AGBL4: variants seen among roughly 807,000 people sequenced by gnomAD.
AGBL4 encodes the protein cytosolic carboxypeptidase 6.
In AGBL4, 58 loss-of-function variants were observed where a neutral mutation model predicts 66.4. The ratio of observed to expected loss-of-function variants is 0.87; its 90% CI spans 0.71 to 1.09. AGBL4 has a LOEUF of 1.09. Among genes scored for constraint, AGBL4 ranks in the 50% least tolerant of loss-of-function variants. The pLI, the probability that AGBL4 is intolerant of heterozygous loss-of-function variation, is 0.00. For synonymous variants in AGBL4, 234 were observed against 222.9 expected, an observed-to-expected ratio of 1.05 and a Z score of -0.44; for missense variants, 579 against 631.0, an observed-to-expected ratio of 0.92 and a Z score of 0.88.
intron 1 of AGBL4, among the ~76,000 whole-genome samples, chr1:50,012,134 C>G (rs1661588015): frequency 6.7e-6 from 1 of 149,702 alleles, no homozygotes; most frequent in Non-Finnish European, 1.5e-5. Flanking sequence ...AGTCCGCAAT[C>G]CGGCCTGGGC....
intron 3 of AGBL4, among the ~76,000 whole-genome samples, chr1:49,401,220 G>A (rs1489830492): frequency 6.6e-6 from 1 of 152,200 alleles, no homozygotes; most frequent in Non-Finnish European, 1.5e-5. Context: ...GAGAGAATGA[G>A]TGCCATGCGA....
intron 3 of AGBL4, among the ~76,000 whole-genome samples, chr1:49,324,348 G>A (rs972502914): frequency 6.6e-6 from 1 of 152,146 alleles, no homozygotes; most frequent in African/African-American, 2.4e-5. Context: ...CACTCTCATG[G>A]CATTCTGAAT....
chr1:49,938,903 AGTCAAATT>A (rs1654420670), intron 1 of AGBL4, among the ~76,000 whole-genome samples: 1 of 152,106 alleles, frequency 6.6e-6, no homozygotes, highest in Admixed American at 6.6e-5. Context: ...GAAAAGAGGA[AGTCAAATT>A]GTCCCTCTTT....
intron 4 of AGBL4, among the ~76,000 whole-genome samples, chr1:49,212,730 G>A (rs922091738): frequency 7.9e-5 from 12 of 152,002 alleles, no homozygotes; most frequent in African/African-American, 2.9e-4. Flanking sequence ...GTCCCCCTGA[G>A]GTAACAATTA....
chr1:48,972,783 G>C (rs528657170), intron 5 of AGBL4, among the ~76,000 whole-genome samples: 1 of 152,160 alleles, frequency 6.6e-6, no homozygotes, highest in East Asian at 1.9e-4. Flanking sequence ...TATTATTTTT[G>C]AAACCAAAGC....
chr1:49,007,608 T>G (rs2148999871), intron 5 of AGBL4, among the ~76,000 whole-genome samples: 1 of 151,728 alleles, frequency 6.6e-6, no homozygotes, highest in East Asian at 1.9e-4. Context: ...AAGGAAAAAA[T>G]GTTAAGGGAA....
intron 2 of AGBL4, among the ~76,000 whole-genome samples, chr1:49,741,387 T>G (rs1338532484): frequency 6.6e-6 from 1 of 151,976 alleles, no homozygotes; most frequent in Non-Finnish European, 1.5e-5. Flanking sequence ...AATAACAGGC[T>G]CTGAAATTGA....
At chr1:49,160,079 C>G (rs1348736474) in intron 4 of AGBL4, among the ~76,000 whole-genome samples, 1 of 152,178 alleles carries the variant, frequency 6.6e-6, no homozygotes, top group Admixed American at 6.5e-5. Flanking sequence ...TTGTCAAACA[C>G]ATTCTCCATC....
At chr1:49,446,103 G>A (rs1044057727) in intron 3 of AGBL4, among the ~76,000 whole-genome samples, 1 of 151,984 alleles carries the variant, frequency 6.6e-6, no homozygotes, top group East Asian at 1.9e-4. Context: ...CTGCCACCTC[G>A]GCCTCCCTAA....
chr1:48,918,324 C>G (rs770144944), intron 5 of AGBL4, among the ~76,000 whole-genome samples: 10 of 152,184 alleles, frequency 6.6e-5, no homozygotes, highest in Non-Finnish European at 1.0e-4. Context: ...TTTACTCATT[C>G]TCCTATGACA....
At chr1:49,469,432 A>G (rs1646696718) in intron 3 of AGBL4, among the ~76,000 whole-genome samples, 1 of 151,820 alleles carries the variant, frequency 6.6e-6, no homozygotes, top group South Asian at 2.1e-4. Context: ...GATTGGGCCA[A>G]CTAAGATTAT....
intron 1 of AGBL4, among the ~76,000 whole-genome samples, chr1:49,938,223 C>T (rs1489714008): frequency 5.9e-5 from 9 of 152,116 alleles, no homozygotes; most frequent in South Asian, 2.1e-4. Flanking sequence ...AACAACTCTA[C>T]GCAAATAAAC....
At chr1:49,147,284 A>AT (rs1182024471) in intron 4 of AGBL4, among the ~76,000 whole-genome samples, 1 of 152,178 alleles carries the variant, frequency 6.6e-6, no homozygotes, top group African/African-American at 2.4e-5. Flanking sequence ...AGAAAGGCAG[A>AT]TTTAAACCCA....
chr1:49,796,305 G>T (rs1261888357), intron 2 of AGBL4, among the ~76,000 whole-genome samples: 2 of 151,588 alleles, frequency 1.3e-5, no homozygotes, highest in Non-Finnish European at 3.0e-5. Context: ...AAAAGATTCA[G>T]ATCCTTTGAA....
chr1:48,677,210 T>A (rs898182563), intron 6 of AGBL4, among the ~76,000 whole-genome samples: 6 of 152,160 alleles, frequency 3.9e-5, no homozygotes, highest in Admixed American at 2.0e-4. Flanking sequence ...TCAGACACAG[T>A]CTTTTCCTTG....
At chr1:49,594,773 G>A (rs1488229421) in intron 3 of AGBL4, among the ~76,000 whole-genome samples, 3 of 152,120 alleles carry the variant, frequency 2.0e-5, no homozygotes, top group South Asian at 4.1e-4. Context: ...TCATTGATGG[G>A]CATTTGGGTT....
chr1:49,568,514 C>CAA (rs1644261554), intron 3 of AGBL4, among the ~76,000 whole-genome samples: 4 of 151,566 alleles, frequency 2.6e-5, no homozygotes, highest in African/African-American at 9.7e-5. Flanking sequence ...CACACACACA[C>CAA]ACACACACAA....
rs1332551826 is a variant in AGBL4 at position 49,395,833 on chromosome 1, A to ATG, written c.283-149970_283-149969insCA. 2.0e-3 allele frequency among the ~76,000 whole-genome samples: 144 copies of ATG among 72,964 alleles called. 1 individual carries two copies. The highest frequency in any genetic ancestry group is 0.011 in the Admixed American group (66 of 6,150). 47.9% of individuals were successfully genotyped at this position (72,964 alleles called of 152,430 possible). A position where few individuals can be genotyped will look rare whatever the true frequency, so the allele number is the denominator to read the frequency against. The stretch of plus-strand genomic sequence containing the variant: ...TATGTATACATATATATATATGTGT[A>ATG]TATATATATATATATACACACATAA... On this transcript the variant is annotated intron_variant, in intron 3 of 13. Transcript: ENST00000371839.
intron 5 of AGBL4, among the ~76,000 whole-genome samples, chr1:48,892,597 C>T (rs1397415463): frequency 1.6e-4 from 25 of 152,090 alleles, no homozygotes; most frequent in Admixed American, 1.6e-3. Context: ...ACACTTGAAG[C>T]GGGGAGGGGG....
Sources: gnomAD v4.1 joint callset for allele counts (sites outside exome capture counted in the v4.1 genomes callset) on GRCh38, gnomAD v4.1.1 for gene constraint, MANE v1.5 for transcripts, NCBI Gene and HGNC (gene_info 2026-07-23, HGNC 2026-07-21) for gene names.